KREMEN1: variants seen among roughly 807,000 people sequenced by gnomAD.
KREMEN1 encodes kringle containing transmembrane protein 1.
KREMEN1 carries 30 observed loss-of-function variants against 46.5 expected under a neutral mutation model. The ratio of observed to expected loss-of-function variants is 0.65; its 90% CI spans 0.48 to 0.88. The LOEUF (loss-of-function observed/expected upper bound fraction) is 0.88. Among genes scored for constraint, KREMEN1 ranks in the 40% least tolerant of loss-of-function variants. The probability of loss-of-function intolerance (pLI) is 0.00; values close to 1 mark genes in which losing one functional copy is unlikely to be tolerated. For missense variants in KREMEN1, 533 were observed against 596.9 expected, an observed-to-expected ratio of 0.89 and a Z score of 1.11; for synonymous variants, 214 against 230.6, an observed-to-expected ratio of 0.93 and a Z score of 0.65.
intron 3 of KREMEN1, among the ~76,000 whole-genome samples, chr22:29,103,554 G>A (rs764991138): frequency 1.2e-4 from 19 of 152,204 alleles, no homozygotes; most frequent in Admixed American, 5.9e-4. Flanking sequence ...GAAACCCTAA[G>A]TTCTTATTGC....
At chr22:29,120,563 G>C (rs1298379942) in intron 3 of KREMEN1, among the ~76,000 whole-genome samples, 1 of 106,036 alleles carries the variant, frequency 9.4e-6, no homozygotes, top group African/African-American at 3.0e-5. Flanking sequence ...GATGGAAACA[G>C]GGAGGAGGGA....
At chr22:29,161,794 A>G (rs1160862959) in intron 9 of KREMEN1, among the ~76,000 whole-genome samples, 1 of 152,018 alleles carries the variant, frequency 6.6e-6, no homozygotes, top group Non-Finnish European at 1.5e-5. Context: ...ACAATCCTCA[A>G]CAAAATACTA....
chr22:29,165,363 C>T (rs1241335282), intron 9 of KREMEN1, among the ~76,000 whole-genome samples: 2 of 149,940 alleles, frequency 1.3e-5, no homozygotes, highest in Non-Finnish European at 3.0e-5. Flanking sequence ...GATTGTGCCA[C>T]TGCACTCCAG....
chr22:29,094,480 A>G, intron 2 of KREMEN1, 60 bp downstream of exon 2: 1 of 1,451,728 alleles, frequency 6.9e-7, no homozygotes. Flanking sequence ...TCTTCTTCCA[A>G]CCCCTTTCAT....
chr22:29,142,227 C>A lies in KREMEN1; in HGVS notation c.*115C>A. ...TTCCCCTCCTCTCCCTCTGCCTCGG[C>A]CTCTTCGGGGAAACCCTCCTCCTAC... is the stretch of plus-strand genomic sequence containing the variant. On this transcript the variant is annotated 3_prime_UTR_variant, in exon 9 of 9. Transcript: ENST00000400335. The A allele has an allele frequency of 7.2e-7, 1 of 1,398,356 alleles. No homozygotes were observed. Among genetic ancestry groups the A allele is most frequent in the Non-Finnish European group, 9.3e-7 (1 of 1,079,112 alleles). 86.6% of individuals were successfully genotyped at this position (1,398,356 alleles called of 1,614,324 possible).
chr22:29,098,956 A>C lies in KREMEN1; in HGVS notation c.352+3A>C. 6.2e-7 allele frequency: 1 copy of C among 1,604,600 alleles called. No homozygotes were observed. Among genetic ancestry groups the C allele is most frequent in the South Asian group, 1.1e-5 (1 of 90,916 alleles). ...CTGTGAGATACCTGCTTGCCAGAGTAAGACTGTAATACCCAATGTGATGGT... is the reference window on the plus strand; with the variant it reads ...CTGTGAGATACCTGCTTGCCAGAGTCAGACTGTAATACCCAATGTGATGGT... On this transcript the variant is annotated splice_donor_region_variant and intron_variant, in intron 3 of 8. Coordinates refer to ENST00000400335, the MANE Select transcript of KREMEN1 (RefSeq NM_001039570.3).
At chr22:29,080,586 GGC>G (rs1440231901) in intron 1 of KREMEN1, among the ~76,000 whole-genome samples, 1 of 152,196 alleles carries the variant, frequency 6.6e-6, no homozygotes, top group Non-Finnish European at 1.5e-5. Context: ...CTTTGTTAGG[GGC>G]TTGGAGGGGG....
intron 9 of KREMEN1, among the ~76,000 whole-genome samples, chr22:29,159,639 AAAAT>A (rs201987835): frequency 0.19 from 8,207 of 44,090 alleles, 339 homozygotes; most frequent in East Asian, 0.48. Context: ...AACAAAAACA[AAAAT>A]AAATAAATAA....
chr22:29,161,187 G>GA (rs113349526), intron 9 of KREMEN1, among the ~76,000 whole-genome samples: 5,048 of 152,190 alleles, frequency 0.033, 210 homozygotes, highest in African/African-American at 0.097. Context: ...CTGAAAGACT[G>GA]AACAAATCAA....
intron 4 of KREMEN1, among the ~76,000 whole-genome samples, chr22:29,124,079 C>A (rs2038401516): frequency 6.6e-6 from 1 of 151,942 alleles, no homozygotes; most frequent in African/African-American, 2.4e-5. Flanking sequence ...CTAGTTATTA[C>A]CCTAGAGACA....
chr22:29,101,077 C>T (rs2037967246), intron 3 of KREMEN1, among the ~76,000 whole-genome samples: 1 of 151,850 alleles, frequency 6.6e-6, no homozygotes, highest in South Asian at 2.1e-4. Flanking sequence ...CATGGCAAAA[C>T]CCCATCTCTA....
intron 9 of KREMEN1, among the ~76,000 whole-genome samples, chr22:29,163,304 C>T (rs1400974696): frequency 6.6e-6 from 1 of 152,152 alleles, no homozygotes; most frequent in African/African-American, 2.4e-5. Flanking sequence ...TGAGGCCTCC[C>T]CAGCAAATAA....
At chr22:29,121,954 T>C (rs976454313) in intron 4 of KREMEN1, among the ~76,000 whole-genome samples, 1 of 152,200 alleles carries the variant, frequency 6.6e-6, no homozygotes, top group African/African-American at 2.4e-5. Context: ...CAAATCATTT[T>C]AAAAAGTTGG....
chr22:29,164,319 G>A (rs972364130), intron 9 of KREMEN1, among the ~76,000 whole-genome samples: 1 of 152,212 alleles, frequency 6.6e-6, no homozygotes, highest in Non-Finnish European at 1.5e-5. Flanking sequence ...GAGAGAAGGA[G>A]CCTGGCACAA....
chr22:29,164,746 C>CAAAAAA (rs34444682), intron 9 of KREMEN1, among the ~76,000 whole-genome samples: 4 of 68,624 alleles, frequency 5.8e-5, no homozygotes, highest in Admixed American at 2.0e-4. Flanking sequence ...AACTCCATCT[C>CAAAAAA]AAAAAAAAAA....
intron 4 of KREMEN1, among the ~76,000 whole-genome samples, chr22:29,123,308 A>G (rs1023493116): frequency 2.6e-5 from 4 of 151,958 alleles, no homozygotes; most frequent in Non-Finnish European, 2.9e-5. Flanking sequence ...TGCAAATCAC[A>G]TATGTGACAA....
At chr22:29,098,180 T>C (rs553149562) in intron 2 of KREMEN1, among the ~76,000 whole-genome samples, 1 of 147,564 alleles carries the variant, frequency 6.8e-6, no homozygotes, top group African/African-American at 2.6e-5. Flanking sequence ...ATTGAGAGTT[T>C]GTCTCAAAAA....
At chr22:29,121,066 T>C (rs1028917187) in intron 3 of KREMEN1, among the ~76,000 whole-genome samples, 25 of 151,946 alleles carry the variant, frequency 1.6e-4, no homozygotes, top group Non-Finnish European at 3.1e-4. Flanking sequence ...TTCCTAGTTT[T>C]CTTCAATACT....
chr22:29,106,380 C>A (rs569558111), intron 3 of KREMEN1, among the ~76,000 whole-genome samples: 65 of 150,706 alleles, frequency 4.3e-4, no homozygotes, highest in Non-Finnish European at 7.8e-4. Context: ...GCCATCACGC[C>A]CAGCTAATTT....
Sources: gnomAD v4.1 joint callset for allele counts (sites outside exome capture counted in the v4.1 genomes callset) on GRCh38, gnomAD v4.1.1 for gene constraint, MANE v1.5 for transcripts, NCBI Gene and HGNC (gene_info 2026-07-23, HGNC 2026-07-21) for gene names.